The following KCNK10 variants were observed in gnomAD, a reference collection of about 807,000 sequenced individuals.
The protein encoded by KCNK10 is potassium two pore domain channel subfamily K member 10.
KCNK10 carries 25 observed loss-of-function variants against 47.7 expected under a neutral mutation model. That is an observed-to-expected ratio of 0.52 (90% CI 0.38 to 0.73). The LOEUF (loss-of-function observed/expected upper bound fraction) is 0.73, where lower values mean the gene tolerates loss of function less well. KCNK10 is among the 30% of genes least tolerant of loss of function. The probability of loss-of-function intolerance (pLI) is 0.00; values close to 1 mark genes in which losing one functional copy is unlikely to be tolerated. For missense variants in KCNK10, 563 were observed against 714.5 expected (o/e 0.79, Z 2.42); for synonymous variants, 303 against 285.6 (o/e 1.06, Z -0.61).
At chr14:88,203,207 C>T (rs529704802) in intron 4 of KCNK10, among the ~76,000 whole-genome samples, 3 of 150,412 alleles carry the variant, frequency 2.0e-5, no homozygotes, top group African/African-American at 7.5e-5. Flanking sequence ...TATGCCCGGG[C>T]AGACACAGCA....
chr14:88,278,522 C>T (rs1191501535), intron 1 of KCNK10, among the ~76,000 whole-genome samples: 8 of 152,118 alleles, frequency 5.3e-5, no homozygotes, highest in African/African-American at 7.2e-5. Flanking sequence ...AATGAAAGTA[C>T]CACATGCAAG....
chr14:88,283,370 G>A (rs948654470), intron 1 of KCNK10, among the ~76,000 whole-genome samples: 5 of 152,168 alleles, frequency 3.3e-5, no homozygotes, highest in Admixed American at 2.0e-4. Context: ...GCACTTTAGA[G>A]GTTATCTTCC....
In KCNK10 at chr14:88,263,540, C is replaced by CG; in HGVS notation, c.63dup (p.Ala22ArgfsTer13). On this transcript the variant is annotated frameshift_variant, in exon 2 of 7. Coordinates refer to ENST00000319231, the MANE Select transcript of KCNK10 (RefSeq NM_138317.3). LOFTEE classifies it high-confidence loss of function. ...TTGGGCTGGCACACCGGTGCTGCTG[C>CG]GGGAACGGCCACTGAGGAGTCAGGG... is the stretch of plus-strand genomic sequence containing the variant. 1.9e-6 allele frequency: 3 copies of CG among 1,610,394 alleles called. No individual in the cohort carries two copies. The highest frequency in any genetic ancestry group is 2.5e-6 in the Non-Finnish European group (3 of 1,179,440).
intron 1 of KCNK10, among the ~76,000 whole-genome samples, chr14:88,289,224 A>G (rs1427866000): frequency 6.6e-6 from 1 of 152,122 alleles, no homozygotes; most frequent in Non-Finnish European, 1.5e-5. Context: ...TTTCTTTCTG[A>G]CTCATCTGAA....
At chr14:88,276,554 C>T (rs1595118985) in intron 1 of KCNK10, among the ~76,000 whole-genome samples, 1 of 152,206 alleles carries the variant, frequency 6.6e-6, no homozygotes, top group East Asian at 1.9e-4. Context: ...TTTCTCCTGT[C>T]ATCCTACCCT....
At position 88,278,477 on chromosome 14, in the gene KCNK10, G is replaced by A. The variant is rs1198125357; in HGVS notation, c.53-14926C>T. Among the ~76,000 whole-genome samples the A allele has an allele frequency of 2.6e-5, 4 of 152,200 alleles. No individual in the cohort carries two copies. The East Asian group carries it at 7.7e-4, about 29-fold the overall frequency. ...ATCTAAGACAAATTGGATATTGAATGCTGGCACATAGTAGAGTTCCCTAAA... is the reference window on the plus strand; with the variant it reads ...ATCTAAGACAAATTGGATATTGAATACTGGCACATAGTAGAGTTCCCTAAA... On this transcript the variant is annotated intron_variant, in intron 1 of 6. Coordinates refer to ENST00000319231, the MANE Select transcript of KCNK10 (RefSeq NM_138317.3).
chr14:88,284,383 G>A (rs1467461869), intron 1 of KCNK10, among the ~76,000 whole-genome samples: 1 of 152,082 alleles, frequency 6.6e-6, no homozygotes, highest in Non-Finnish European at 1.5e-5. Context: ...CATATGAAAG[G>A]GAATTTATTA....
chr14:88,262,491 C>A (rs1343862735), intron 2 of KCNK10, among the ~76,000 whole-genome samples: 1 of 152,190 alleles, frequency 6.6e-6, no homozygotes, highest in African/African-American at 2.4e-5. Context: ...CTCCTTACCG[C>A]CACAGTCCAC....
At chr14:88,296,796 A>G (rs1887994085) in intron 1 of KCNK10, among the ~76,000 whole-genome samples, 1 of 152,224 alleles carries the variant, frequency 6.6e-6, no homozygotes, top group Non-Finnish European at 1.5e-5. Context: ...GCCTAAAACT[A>G]GAGGCTTAAC....
intron 5 of KCNK10, among the ~76,000 whole-genome samples, chr14:88,188,822 T>C (rs547774926): frequency 6.6e-6 from 1 of 152,374 alleles, no homozygotes; most frequent in South Asian, 2.1e-4. Flanking sequence ...CCTGATTGCA[T>C]TGACTGGCTG....
intron 2 of KCNK10, among the ~76,000 whole-genome samples, chr14:88,262,613 T>A (rs910391802): frequency 6.6e-6 from 1 of 152,144 alleles, no homozygotes; most frequent in Non-Finnish European, 1.5e-5. Context: ...ATATCCAGGG[T>A]ATGTAAAGGC....
In KCNK10 at chr14:88,236,899, G is replaced by A. The variant is rs535569993; in HGVS notation, c.520+3804C>T. On this transcript the variant is annotated intron_variant, in intron 3 of 6. Transcript: ENST00000319231. ...CCTTTGATGTTGATGACTACTGACTGATCAGGGCGGTGACTGTTGAAGGCT... is the reference window on the plus strand; with the variant it reads ...CCTTTGATGTTGATGACTACTGACTAATCAGGGCGGTGACTGTTGAAGGCT... Among the ~76,000 whole-genome samples, 3 of 152,318 alleles carry A rather than the reference G, an allele frequency of 2.0e-5. No homozygotes were observed. The East Asian group carries it at 5.8e-4, about 29-fold the overall frequency.
chr14:88,267,557 A>G (rs1258427805), intron 1 of KCNK10, among the ~76,000 whole-genome samples: 2 of 151,942 alleles, frequency 1.3e-5, no homozygotes, highest in African/African-American at 2.4e-5. Context: ...TTTTTAGTAG[A>G]GACGGGGTTT....
chr14:88,182,046 ACACAC>A lies in KCNK10; in HGVS notation c.*3484_*3488del, dbSNP rs1884383379. The A allele has an allele frequency of 1.8e-5, 2 of 111,178 alleles. No individual in the cohort carries two copies. Among genetic ancestry groups the A allele is most frequent in the Admixed American group, 1.7e-4 (2 of 11,698 alleles). 6.9% of individuals were successfully genotyped at this position (111,178 alleles called of 1,614,324 possible). A position where few individuals can be genotyped will look rare whatever the true frequency, so the allele number is the denominator to read the frequency against. ...ACACCACCCCAACCCGCACACACAC[ACACAC>A]ACACACACACACACACACACACACA... is the stretch of plus-strand genomic sequence containing the variant. On this transcript the variant is annotated 3_prime_UTR_variant, in exon 7 of 7. Transcript: ENST00000319231.
At chr14:88,244,562 G>A (rs1886573656) in intron 2 of KCNK10, among the ~76,000 whole-genome samples, 1 of 152,092 alleles carries the variant, frequency 6.6e-6, no homozygotes, top group Admixed American at 6.5e-5. Flanking sequence ...CAGCTACTCG[G>A]GAGGCTGAGG....
chr14:88,213,878 C>G (rs1305612735), intron 4 of KCNK10, among the ~76,000 whole-genome samples: 2 of 151,226 alleles, frequency 1.3e-5, no homozygotes, highest in Admixed American at 1.3e-4. Context: ...GAATTAAAAT[C>G]TTGGTGGTGA....
At chr14:88,241,377 GGTT>G (rs1201389831) in intron 2 of KCNK10, among the ~76,000 whole-genome samples, 1 of 152,040 alleles carries the variant, frequency 6.6e-6, no homozygotes, top group Non-Finnish European at 1.5e-5. Flanking sequence ...TTCCCCACAG[GGTT>G]GTTGTGAGGA....
upstream of KCNK10, chr14:88,323,321 C>G (rs958374112): frequency 5.1e-6 from 5 of 982,780 alleles, no homozygotes; most frequent in South Asian, 9.4e-5. Flanking sequence ...CGCCCCACCC[C>G]GGCCGCGGCT....
At chr14:88,292,485 G>T (rs1243150222) in intron 1 of KCNK10, among the ~76,000 whole-genome samples, 1 of 151,986 alleles carries the variant, frequency 6.6e-6, no homozygotes, top group Non-Finnish European at 1.5e-5. Flanking sequence ...GAGTATCTGG[G>T]ATTATAGGCA....
Sources: allele counts gnomAD v4.1 joint callset (sites outside exome capture counted in the v4.1 genomes callset), GRCh38; gene constraint gnomAD v4.1.1; transcripts MANE v1.5; gene names NCBI Gene and HGNC (gene_info 2026-07-23, HGNC 2026-07-21).